The following PTPRN2 variants were observed in gnomAD, a reference collection of about 807,000 sequenced individuals.
PTPRN2 encodes the protein receptor-type tyrosine-protein phosphatase N2.
Under a neutral mutation model 118.8 loss-of-function variants are expected in PTPRN2, and 74 were observed. The ratio of observed to expected loss-of-function variants is 0.62; its 90% confidence interval spans 0.52 to 0.76. The LOEUF (loss-of-function observed/expected upper bound fraction) is 0.76. Among genes scored for constraint, PTPRN2 ranks in the 30% least tolerant of loss-of-function variants. The pLI is 0.00. For missense variants in PTPRN2, 1,481 were observed against 1,394.4 expected (o/e 1.06, Z -0.99); for synonymous variants, 641 against 608.0 (o/e 1.05, Z -0.80).
intron 11 of PTPRN2, among the ~76,000 whole-genome samples, chr7:157,992,287 T>C (rs537748985): frequency 5.3e-4 from 80 of 152,366 alleles, no homozygotes; most frequent in African/African-American, 1.9e-3. Context: ...AAAGACTGCA[T>C]GGCGACACGT....
rs1357407125 is a variant in PTPRN2 at position 158,563,742 on chromosome 7, G to A, written c.112+23816C>T. Among the ~76,000 whole-genome samples the A allele has an allele frequency of 6.6e-6, 1 of 152,262 alleles. No homozygotes were observed. Among genetic ancestry groups the A allele is most frequent in the Non-Finnish European group, 1.5e-5 (1 of 68,050 alleles). The stretch of plus-strand genomic sequence containing the variant: ...GAAGAGAGGGGCCTTCCATCTAGGG[G>A]CACAGTCTCCCTCCCTTCCCCTTAT... On this transcript the variant is annotated intron_variant, in intron 1 of 22. Transcript: ENST00000389418. The surrounding 1 kb of genome is among the most constrained non-coding windows in gnomAD (Gnocchi z 5.1).
At chr7:157,744,348 C>T (rs546690771) in intron 12 of PTPRN2, among the ~76,000 whole-genome samples, 5 of 152,156 alleles carry the variant, frequency 3.3e-5, no homozygotes, top group South Asian at 2.1e-4. Context: ...GAGGCTGGAA[C>T]GTCACCTAAG....
At chr7:158,486,564 G>A (rs1419399081) in intron 2 of PTPRN2, among the ~76,000 whole-genome samples, 1 of 152,108 alleles carries the variant, frequency 6.6e-6, no homozygotes, top group African/African-American at 2.4e-5. Flanking sequence ...TTCTCTTCCA[G>A]AACCCTTACA....
intron 21 of PTPRN2, among the ~76,000 whole-genome samples, chr7:157,556,220 T>C (rs1418792193): frequency 6.6e-6 from 1 of 151,972 alleles, no homozygotes; most frequent in Non-Finnish European, 1.5e-5. Context: ...TGTACATGGG[T>C]ACACAGGCAT....
intron 3 of PTPRN2, among the ~76,000 whole-genome samples, chr7:158,293,164 G>C (rs368341164): frequency 6.6e-6 from 1 of 152,196 alleles, no homozygotes; most frequent in African/African-American, 2.4e-5. Context: ...TGAGGGTGGG[G>C]TGGGTGAGTG....
intron 4 of PTPRN2, among the ~76,000 whole-genome samples, chr7:158,204,220 C>T (rs1280324406): frequency 7.0e-6 from 1 of 143,860 alleles, no homozygotes; most frequent in East Asian, 2.2e-4. Flanking sequence ...ACGAAGCCCC[C>T]GCCCTCGGTG....
intron 2 of PTPRN2, among the ~76,000 whole-genome samples, chr7:158,408,972 T>C (rs1813805182): frequency 6.7e-6 from 1 of 149,640 alleles, no homozygotes; most frequent in Admixed American, 6.7e-5. Context: ...CTATACATTC[T>C]AGTAATGACT....
At chr7:158,363,928 C>A (rs1285545706) in intron 2 of PTPRN2, among the ~76,000 whole-genome samples, 1 of 152,048 alleles carries the variant, frequency 6.6e-6, no homozygotes, top group African/African-American at 2.4e-5. Flanking sequence ...GGCAGACAAC[C>A]ACACACACAC....
chr7:158,250,995 G>A (rs1008659662), intron 3 of PTPRN2, among the ~76,000 whole-genome samples: 11 of 151,694 alleles, frequency 7.3e-5, no homozygotes, highest in East Asian at 5.8e-4. Flanking sequence ...TAACAAGTAC[G>A]GAAGTTAAAG....
At chr7:158,355,650 A>G (rs1339084402) in intron 2 of PTPRN2, among the ~76,000 whole-genome samples, 1 of 152,216 alleles carries the variant, frequency 6.6e-6, no homozygotes, top group Non-Finnish European at 1.5e-5. Context: ...CTTATGAGCC[A>G]GGACAGAGTC....
chr7:158,478,518 G>T (rs1016923239), intron 2 of PTPRN2, among the ~76,000 whole-genome samples: 2 of 152,180 alleles, frequency 1.3e-5, no homozygotes, highest in Admixed American at 1.3e-4. Flanking sequence ...CGTGACAAGG[G>T]CATGGGAAAG....
chr7:157,597,153 C>T (rs1311669817), intron 16 of PTPRN2, among the ~76,000 whole-genome samples: 3 of 152,212 alleles, frequency 2.0e-5, no homozygotes, highest in African/African-American at 7.2e-5. Context: ...AAGTTATTCT[C>T]ACAGAACAAC....
intron 11 of PTPRN2, among the ~76,000 whole-genome samples, chr7:158,073,611 A>G (rs1279173656): frequency 6.6e-6 from 1 of 151,264 alleles, no homozygotes; most frequent in Admixed American, 6.6e-5. Context: ...GTATGAAGAC[A>G]CTGCCCTTTC....
chr7:157,657,633 C>CA, intron 13 of PTPRN2, among the ~76,000 whole-genome samples: 1 of 118,038 alleles, frequency 8.5e-6, no homozygotes, highest in Non-Finnish European at 1.8e-5. Flanking sequence ...CACACACACA[C>CA]CACACACATC....
chr7:157,814,156 C>T (rs566528254), intron 12 of PTPRN2, among the ~76,000 whole-genome samples: 1 of 152,352 alleles, frequency 6.6e-6, no homozygotes, highest in Non-Finnish European at 1.5e-5. Flanking sequence ...GCTCAGGAAC[C>T]CCTCCCTGGG....
chr7:157,566,039 C>A (rs1799471939), intron 21 of PTPRN2, among the ~76,000 whole-genome samples: 1 of 152,202 alleles, frequency 6.6e-6, no homozygotes, highest in Non-Finnish European at 1.5e-5. Flanking sequence ...TTCAACTATT[C>A]TGAGTTTGTT....
chr7:157,901,482 A>G (rs1439660784), intron 11 of PTPRN2, among the ~76,000 whole-genome samples: 1 of 152,250 alleles, frequency 6.6e-6, no homozygotes, highest in East Asian at 1.9e-4. Context: ...TGCCGATGAC[A>G]GTAAAATGTA....
chr7:158,411,687 A>G (rs1055464927), intron 2 of PTPRN2, among the ~76,000 whole-genome samples: 3 of 152,202 alleles, frequency 2.0e-5, no homozygotes, highest in Non-Finnish European at 4.4e-5. Flanking sequence ...ACCAACGCCA[A>G]TGGAGGTGGA....
At chr7:158,077,354 C>T (rs559284846) in intron 11 of PTPRN2, among the ~76,000 whole-genome samples, 4 of 152,324 alleles carry the variant, frequency 2.6e-5, no homozygotes, top group East Asian at 1.9e-4. Context: ...GGAAAGTCAC[C>T]GTACCTCTGA....
Sources: gnomAD v4.1 joint callset for allele counts (sites outside exome capture counted in the v4.1 genomes callset) on GRCh38, gnomAD v4.1.1 for gene constraint, Gnocchi (gnomAD v3.1) non-coding constraint, MANE v1.5 for transcripts, NCBI Gene and HGNC (gene_info 2026-07-23, HGNC 2026-07-21) for gene names.